Variants in CDK14 observed in about 807,000 individuals in gnomAD.
CDK14 encodes cyclin dependent kinase 14.
A neutral mutation model predicts 60.7 loss-of-function variants in CDK14; 34 were observed. The ratio of observed to expected loss-of-function variants is 0.56; its 90% CI spans 0.43 to 0.75. The LOEUF (loss-of-function observed/expected upper bound fraction) is 0.75. Ranked by LOEUF, CDK14 falls within the 30% of genes least tolerant of loss-of-function variation. The pLI is 0.00. For synonymous variants in CDK14, 197 were observed against 203.7 expected (o/e 0.97, Z 0.28); for missense variants, 482 against 564.1 (o/e 0.85, Z 1.47).
rs151198021 is a variant in CDK14 at position 90,760,222 on chromosome 7, A to G, written c.464+12447A>G. Among the ~76,000 whole-genome samples the G allele has an allele frequency of 3.5e-3, 535 of 152,326 alleles. 5 individuals are homozygous for G. Among genetic ancestry groups the G allele is most frequent in the African/African-American group, 0.012 (506 of 41,582 alleles). On this transcript the variant is annotated intron_variant, in intron 4 of 14. Coordinates refer to ENST00000380050, the MANE Select transcript of CDK14 (RefSeq NM_001287135.2). ...GGAGAAATAGGGGGGAAGAAATGCTATTAATTAAAACAAGCAGCAGCGCAA... is the reference window on the plus strand; with the variant it reads ...GGAGAAATAGGGGGGAAGAAATGCTGTTAATTAAAACAAGCAGCAGCGCAA...
At position 90,668,699 on chromosome 7, in the gene CDK14, C is replaced by CTTTTTTTTTT. The variant is rs59773768; in HGVS notation, c.124-57850_124-57841dup. Among the ~76,000 whole-genome samples the CTTTTTTTTTT allele has an allele frequency of 8.0e-5, 7 of 87,530 alleles. 1 individual carries two copies. Among genetic ancestry groups the CTTTTTTTTTT allele is most frequent in the African/African-American group, 2.6e-4 (6 of 23,122 alleles). 57.4% of individuals were successfully genotyped at this position (87,530 alleles called of 152,430 possible). A position where few individuals can be genotyped will look rare whatever the true frequency, so the allele number is the denominator to read the frequency against. On this transcript the variant is annotated intron_variant, in intron 2 of 14. Coordinates refer to ENST00000380050, the MANE Select transcript of CDK14 (RefSeq NM_001287135.2). ...TATGGTGTAAGGAAGGACTCGCATT[C>CTTTTTTTTTT]TTTTTTTTTTTTTTTTTTTTTTTTT...
intron 6 of CDK14, among the ~76,000 whole-genome samples, chr7:90,897,334 G>A (rs1792368643): frequency 6.6e-6 from 1 of 151,904 alleles, no homozygotes; most frequent in South Asian, 2.1e-4. Flanking sequence ...ATTTGATTTT[G>A]TTTTAAAAAC....
At chr7:91,110,565 T>G (rs1026501534) in intron 12 of CDK14, among the ~76,000 whole-genome samples, 1 of 152,210 alleles carries the variant, frequency 6.6e-6, no homozygotes, top group Non-Finnish European at 1.5e-5. Context: ...TATTTCATGT[T>G]TTTTATACTC....
chr7:90,741,334 C>G (rs189930386), intron 3 of CDK14, among the ~76,000 whole-genome samples: 12 of 152,220 alleles, frequency 7.9e-5, no homozygotes, highest in Non-Finnish European at 1.8e-4. Context: ...CTGATAATAC[C>G]TCCTCAGTCT....
chr7:90,839,490 T>C (rs900193290), intron 5 of CDK14, among the ~76,000 whole-genome samples: 89 of 152,174 alleles, frequency 5.8e-4, no homozygotes, highest in African/African-American at 1.7e-3. Flanking sequence ...TTTGCTCACT[T>C]CCTCCCACCC....
intron 9 of CDK14, among the ~76,000 whole-genome samples, chr7:90,966,087 A>T (rs973342382): frequency 1.3e-5 from 2 of 152,074 alleles, no homozygotes; most frequent in African/African-American, 2.4e-5. Flanking sequence ...TTTCTTTTTT[A>T]AAAAAATGAT....
chr7:90,926,398 G>A (rs1292451901), intron 8 of CDK14, among the ~76,000 whole-genome samples: 1 of 152,164 alleles, frequency 6.6e-6, no homozygotes, highest in Non-Finnish European at 1.5e-5. Flanking sequence ...AGTTTAAATA[G>A]AGCTTTGGTA....
chr7:91,022,201 C>G (rs1350501548), intron 10 of CDK14, among the ~76,000 whole-genome samples: 1 of 152,168 alleles, frequency 6.6e-6, no homozygotes, highest in East Asian at 1.9e-4. Flanking sequence ...TATATTCTGT[C>G]TGGGGCAGTG....
intron 7 of CDK14, among the ~76,000 whole-genome samples, chr7:90,907,810 G>A (rs1428258619): frequency 6.6e-6 from 1 of 152,080 alleles, no homozygotes; most frequent in Non-Finnish European, 1.5e-5. Context: ...GAACAAGCAG[G>A]TGTATAACAG....
At chr7:90,604,862 AGGAAT>A (rs1799385605) in intron 2 of CDK14, among the ~76,000 whole-genome samples, 1 of 152,250 alleles carries the variant, frequency 6.6e-6, no homozygotes, top group Non-Finnish European at 1.5e-5. Flanking sequence ...TAGTATAAGT[AGGAAT>A]CACCAGAGAA....
intron 5 of CDK14, among the ~76,000 whole-genome samples, chr7:90,826,091 C>T (rs1789712583): frequency 6.6e-6 from 1 of 152,184 alleles, no homozygotes; most frequent in African/African-American, 2.4e-5. Flanking sequence ...TCTATGAGTT[C>T]AACCGTCAGT....
chr7:91,041,943 A>T (rs550484507), intron 10 of CDK14, among the ~76,000 whole-genome samples: 105 of 152,160 alleles, frequency 6.9e-4, no homozygotes, highest in Non-Finnish European at 1.3e-3. Flanking sequence ...AACATCATCC[A>T]CTCTGAGGAC....
chr7:91,192,433 T>G (rs1802391650), intron 14 of CDK14, among the ~76,000 whole-genome samples: 1 of 152,182 alleles, frequency 6.6e-6, no homozygotes, highest in Non-Finnish European at 1.5e-5. Context: ...TAGGACAGAC[T>G]AAAAATATAT....
intron 14 of CDK14, among the ~76,000 whole-genome samples, chr7:91,130,009 A>T (rs1800069640): frequency 6.6e-6 from 1 of 152,200 alleles, no homozygotes; most frequent in African/African-American, 2.4e-5. Flanking sequence ...ATAGTTTCAG[A>T]TTCCCTGGTA....
chr7:90,604,720 T>A (rs1283059047), intron 2 of CDK14, among the ~76,000 whole-genome samples: 1 of 152,190 alleles, frequency 6.6e-6, no homozygotes, highest in Admixed American at 6.5e-5. Flanking sequence ...CTATTCTTTG[T>A]ATATCAGATC....
chr7:90,673,485 A>C (rs1018697115), intron 2 of CDK14, among the ~76,000 whole-genome samples: 1 of 146,580 alleles, frequency 6.8e-6, no homozygotes, highest in African/African-American at 2.5e-5. Flanking sequence ...CCGGTGGCAC[A>C]GTCACGGCTC....
intron 14 of CDK14, among the ~76,000 whole-genome samples, chr7:91,166,572 A>G (rs1801353497): frequency 6.6e-6 from 1 of 152,240 alleles, no homozygotes; most frequent in Non-Finnish European, 1.5e-5. Flanking sequence ...AAATGTGTTT[A>G]ACCTAGAAGG....
intron 14 of CDK14, among the ~76,000 whole-genome samples, chr7:91,161,532 T>C (rs549951672): frequency 1.2e-4 from 18 of 152,312 alleles, no homozygotes; most frequent in Admixed American, 2.0e-4. Flanking sequence ...ACAGCACAAG[T>C]TGTTTTCATG....
chr7:91,137,667 A>G (rs1463990321), intron 14 of CDK14, among the ~76,000 whole-genome samples: 1 of 131,752 alleles, frequency 7.6e-6, no homozygotes, highest in Non-Finnish European at 1.5e-5. Flanking sequence ...CTCACTTATG[A>G]GCTCTACTTC....
Sources: allele counts gnomAD v4.1 joint callset (sites outside exome capture counted in the v4.1 genomes callset), GRCh38; gene constraint gnomAD v4.1.1; transcripts MANE v1.5; gene names NCBI Gene and HGNC (gene_info 2026-07-23, HGNC 2026-07-21).